The following TBC1D24 variants were observed in gnomAD, a reference collection of about 807,000 sequenced individuals.
The protein encoded by TBC1D24 is TBC1 domain family member 24.
A neutral mutation model predicts 50.7 loss-of-function variants in TBC1D24; 47 were observed. The observed-to-expected ratio is 0.93, with a 90% CI of 0.73 to 1.18. The LOEUF (loss-of-function observed/expected upper bound fraction) is 1.18. Ranked by LOEUF, TBC1D24 falls within the 50% of genes most tolerant of loss-of-function variation. The pLI is 0.00. For missense variants in TBC1D24, 688 were observed against 766.5 expected (o/e 0.90, Z 1.21); for synonymous variants, 324 against 335.2 (o/e 0.97, Z 0.36).
In TBC1D24 at chr16:2,488,878, G is replaced by A. The variant is rs1186409573; in HGVS notation, c.-115-7156G>A. On this transcript the variant is annotated intron_variant, in intron 1 of 7. Transcript: ENST00000646147. ...GATCGAGACCATCCTGGCTAACACG[G>A]TGAAACCCCGTCTCTACTAAAAATA... 2.7e-5 allele frequency among the ~76,000 whole-genome samples: 4 copies of A among 145,474 alleles called. No individual in the cohort carries two copies. In the East Asian group the frequency reaches 8.0e-4, roughly 29 times the overall value.
At position 2,486,760 on chromosome 16, in the gene TBC1D24, T is replaced by C. The variant is rs1198369798; in HGVS notation, c.-115-9274T>C. Reference sequence around the variant, plus strand: ...AAGAAGCATCTGTATCGAAACTGGCTTTGAAAACTTCACAGTGGAGCTTCC... The same window carrying C: ...AAGAAGCATCTGTATCGAAACTGGCCTTGAAAACTTCACAGTGGAGCTTCC... On this transcript the variant is annotated intron_variant, in intron 1 of 7. Transcript: ENST00000646147. The surrounding 1 kb of genome is among the most constrained non-coding windows in gnomAD (Gnocchi z 5.8). Among the ~76,000 whole-genome samples the C allele has an allele frequency of 1.3e-5, 2 of 152,224 alleles. No homozygotes were observed. The highest frequency in any genetic ancestry group is 2.9e-5 in the Non-Finnish European group (2 of 68,020).
rs757753370 is a variant in TBC1D24 at position 2,496,514 on chromosome 16, C to T, written c.366C>T (p.Ala122=). 4.4e-6 allele frequency: 7 copies of T among 1,609,120 alleles called. No individual in the cohort carries two copies. Among genetic ancestry groups the T allele is most frequent in the Non-Finnish European group, 5.9e-6 (7 of 1,179,954 alleles). The change falls in exon 2 of 8, where the codon GCC becomes GCT. Residue 122 remains alanine (A), a synonymous_variant. Coordinates refer to ENST00000646147, the MANE Select transcript of TBC1D24 (RefSeq NM_001199107.2). The stretch of plus-strand genomic sequence containing the variant: ...TGCGCAAGATCCTCCTGTGCCTGGC[C>T]AACCAGTTCCCCGACATCTCCTTCT... The part of the protein sequence containing the change: ...GAVRKILLCL[A]NQFPDISFCP...
chr16:2,476,261 G>GTGT (rs1442848672), intron 1 of TBC1D24, among the ~76,000 whole-genome samples: 4 of 152,228 alleles, frequency 2.6e-5, no homozygotes, highest in African/African-American at 9.6e-5. Flanking sequence ...GCACACAGTA[G>GTGT]GCACCTGTAG....
In TBC1D24 at chr16:2,499,328, G is replaced by A. The variant is rs1173714623; in HGVS notation, c.1143-29G>A. 1 of 1,605,300 alleles carries A rather than the reference G, an allele frequency of 6.2e-7. No homozygotes were observed. Among genetic ancestry groups the A allele is most frequent in the Non-Finnish European group, 8.5e-7 (1 of 1,175,392 alleles). ...AGGCGGCTGGGAGGGTGTGCAGGGT[G>A]ACAGCTGGCATGCGTGTCTCTACGC... On this transcript the variant is annotated intron_variant, in intron 4 of 7. Transcript: ENST00000646147. The surrounding 1 kb of genome is among the most constrained non-coding windows in gnomAD (Gnocchi z 4.0).
In TBC1D24 at chr16:2,499,262, G is replaced by A; in HGVS notation, c.1143-95G>A. On this transcript the variant is annotated intron_variant, in intron 4 of 7. Transcript: ENST00000646147. This position sits in a 1 kb window ranked among gnomAD's most constrained non-coding sequence, Gnocchi z 4.0. ...AGAGAGAAGGAAGCACAGTTCCCAG[G>A]TCTTCGCCCCAAGACAGCTGGGGCC... The A allele has an allele frequency of 8.7e-7, 1 of 1,144,518 alleles. No individual in the cohort carries two copies. The highest frequency in any genetic ancestry group is 2.5e-5 in the East Asian group (1 of 39,984). 70.9% of individuals were successfully genotyped at this position (1,144,518 alleles called of 1,614,324 possible). A position where few individuals can be genotyped will look rare whatever the true frequency, so the allele number is the denominator to read the frequency against.
intron 1 of TBC1D24, among the ~76,000 whole-genome samples, chr16:2,494,347 A>G (rs998626673): frequency 2.0e-5 from 3 of 151,444 alleles, no homozygotes; most frequent in Non-Finnish European, 4.4e-5. Flanking sequence ...GGGAGGCGGA[A>G]GTTGCAGTGA....
rs956179168 is a variant in TBC1D24 at position 2,501,038 on chromosome 16, T to C, written c.*80T>C. The C allele has an allele frequency of 8.9e-6, 14 of 1,568,988 alleles. No individual in the cohort carries two copies. The highest frequency in any genetic ancestry group is 1.1e-5 in the Non-Finnish European group (13 of 1,158,084). On this transcript the variant is annotated 3_prime_UTR_variant, in exon 8 of 8. Transcript: ENST00000646147. ...GCCGCCTCGGGCAGCAGAGAGCAGA[T>C]GAAACCCCCATGTGGTAGGCAGGGT...
At position 2,496,222 on chromosome 16, in the gene TBC1D24, A is replaced by G. The variant is rs758755150; in HGVS notation, c.74A>G (p.Lys25Arg). The G allele has an allele frequency of 1.2e-6, 2 of 1,613,926 alleles. No individual in the cohort carries two copies. The highest frequency in any genetic ancestry group is 1.7e-5 in the Admixed American group (1 of 60,034). ...MDAAIQDLGP[K>R]ELSCTELQEL... ...GCTGCCATCCAGGACCTGGGGCCCAAGGAGCTGAGCTGCACTGAACTGCAG... is the reference window on the plus strand; with the variant it reads ...GCTGCCATCCAGGACCTGGGGCCCAGGGAGCTGAGCTGCACTGAACTGCAG... The change falls in exon 2 of 8, where the codon AAG becomes AGG. Residue 25 changes from lysine to arginine, a missense_variant. By Grantham distance (26) the Lys-to-Arg change is conservative. Transcript: ENST00000646147.
intron 1 of TBC1D24, among the ~76,000 whole-genome samples, chr16:2,488,998 A>T (rs910826276): frequency 4.1e-5 from 6 of 145,348 alleles, no homozygotes; most frequent in Non-Finnish European, 9.0e-5. Flanking sequence ...TGAACCCGGG[A>T]GGCAGAGGTT....
At position 2,500,469 on chromosome 16, in the gene TBC1D24, G is replaced by C; in HGVS notation, c.1504G>C (p.Gly502Arg). The C allele has an allele frequency of 1.9e-6, 3 of 1,578,208 alleles. No homozygotes were observed. Among genetic ancestry groups the C allele is most frequent in the Non-Finnish European group, 2.6e-6 (3 of 1,162,482 alleles). The change falls in exon 7 of 8, where the codon GGC becomes CGC. Residue 502 changes from glycine to arginine, a missense_variant. Gly to Arg is a moderately radical substitution (Grantham distance 125, BLOSUM62 -2). Coordinates refer to ENST00000646147, the MANE Select transcript of TBC1D24 (RefSeq NM_001199107.2). The surrounding 1 kb of genome is among the most constrained non-coding windows in gnomAD (Gnocchi z 8.0). Reference protein sequence around the residue: ...SKTESMFMAGGSDCLIVGGGG... With the variant: ...SKTESMFMAGRSDCLIVGGGG... The stretch of plus-strand genomic sequence containing the variant: ...GACCGAGTCCATGTTCATGGCGGGG[G>C]GCAGCGACTGCCTCATCGTCGGTGA...
Position 2,484,742 on chromosome 16 carries a change from T to A in TBC1D24, c.-116+9572T>A, listed in dbSNP as rs1272592831. On this transcript the variant is annotated intron_variant, in intron 1 of 7. Coordinates refer to ENST00000646147, the MANE Select transcript of TBC1D24 (RefSeq NM_001199107.2). Reference sequence around the variant, plus strand: ...GCTGAGGCCTAGGGCGGTGGGGCTATATGGCAGGAGGAGTGTCTGCACTTT... The same window carrying A: ...GCTGAGGCCTAGGGCGGTGGGGCTAAATGGCAGGAGGAGTGTCTGCACTTT... 7 of 152,324 alleles carry A rather than the reference T, an allele frequency of 4.6e-5. No individual in the cohort carries two copies. In the East Asian group the frequency reaches 1.3e-3, roughly 29 times the overall value. The allele number at this position is 152,324 out of a possible 1,614,324, so 9.4% of individuals were successfully genotyped here.
Position 2,497,708 on chromosome 16 carries a change from A to C in TBC1D24, c.966-2A>C. 2 of 1,535,884 alleles carry C rather than the reference A, an allele frequency of 1.3e-6. No homozygotes were observed. Among genetic ancestry groups the C allele is most frequent in the Non-Finnish European group, 1.7e-6 (2 of 1,146,834 alleles). On this transcript the variant is annotated splice_acceptor_variant, in intron 2 of 7. Transcript: ENST00000646147. LOFTEE classifies it high-confidence loss of function. ...TGTCCGTTGCTTTCTCCTGTTTTTC[A>C]GTGTGTCACTTTCTAAAAGGTAGGT...
In TBC1D24 at chr16:2,496,317, C is replaced by T. The variant is rs202162520; in HGVS notation, c.169C>T (p.Arg57Cys). 2.1e-3 allele frequency: 3,344 copies of T among 1,613,610 alleles called. 5 individuals carry two copies. Among genetic ancestry groups the T allele is most frequent in the Non-Finnish European group, 2.3e-3 (2,719 of 1,180,030 alleles). The change falls in exon 2 of 8, where the codon CGC becomes TGC. Residue 57 changes from arginine (R) to cysteine (C), a missense_variant. Physicochemically the swap from Arg to Cys is radical, Grantham distance 180. Transcript: ENST00000646147. ...SHALRGKVYQ[R>C]LIRDIPCRTV... ...CGCCCTGCGGGGAAAGGTGTACCAG[C>T]GCCTGATCCGGGACATTCCCTGCCG...
rs747608617 is a variant in TBC1D24 at position 2,499,958 on chromosome 16, C to T, written c.1302+28C>T. ...GAGTGGGGCCAAGTGTCCCCAAACC[C>T]CCACGCAGACCCTGTAGCTGCATCC... On this transcript the variant is annotated intron_variant, in intron 6 of 7. Transcript: ENST00000646147. This position sits in a 1 kb window ranked among gnomAD's most constrained non-coding sequence, Gnocchi z 4.0. 1 of 1,597,830 alleles carries T rather than the reference C, an allele frequency of 6.3e-7. No homozygotes were observed. Among genetic ancestry groups the T allele is most frequent in the South Asian group, 1.1e-5 (1 of 90,740 alleles).
At position 2,498,380 on chromosome 16, in the gene TBC1D24, G is replaced by C. The variant is rs796053408; in HGVS notation, c.1126G>C (p.Gly376Arg). ...TCTGCTGTTCTCCTCCCTGCAGCAC[G>C]GGTACAGCCTGGCCAGGTAACACCC... ...PLLLFSSLQH[G>R]YSLARFYFQC... Residue 376 changes from glycine (G) to arginine (R), a missense_variant, in exon 4 of 8, where the codon GGG becomes CGG. Transcript: ENST00000646147. 1 of 1,606,838 alleles carries C rather than the reference G, an allele frequency of 6.2e-7. No individual in the cohort carries two copies. Among genetic ancestry groups the C allele is most frequent in the Non-Finnish European group, 8.5e-7 (1 of 1,176,922 alleles).
In TBC1D24 at chr16:2,487,465, G is replaced by A. The variant is rs1476322250; in HGVS notation, c.-115-8569G>A. On this transcript the variant is annotated intron_variant, in intron 1 of 7. Coordinates refer to ENST00000646147, the MANE Select transcript of TBC1D24 (RefSeq NM_001199107.2). The surrounding 1 kb of genome is among the most constrained non-coding windows in gnomAD (Gnocchi z 4.1). ...GGCCGTGTTAAAATGTCATCAATGA[G>A]GCTAAATGTGTGTTCTGTCTTTGTA... is the stretch of plus-strand genomic sequence containing the variant. Among the ~76,000 whole-genome samples the A allele has an allele frequency of 6.6e-6, 1 of 152,250 alleles. No individual in the cohort carries two copies. Among genetic ancestry groups the A allele is most frequent in the Non-Finnish European group, 1.5e-5 (1 of 68,054 alleles).
chr16:2,495,900 C>G (rs934681437), intron 1 of TBC1D24, 134 bp from the exon 2 acceptor site: 1 of 490,686 alleles, frequency 2.0e-6, no homozygotes, highest in Admixed American at 3.4e-5. Flanking sequence ...GCCACTGCAC[C>G]GCACTCCAAC....
intron 1 of TBC1D24, among the ~76,000 whole-genome samples, chr16:2,491,666 T>G (rs530234585): frequency 3.3e-5 from 5 of 152,102 alleles, no homozygotes; most frequent in Admixed American, 3.3e-4. Flanking sequence ...GCGATTCTCC[T>G]GCCTCAGCCT....
chr16:2,496,625 G>A lies in TBC1D24; in HGVS notation c.477G>A (p.Leu159=), dbSNP rs756939943. The change falls in exon 2 of 8, where the codon CTG becomes CTA. Residue 159 remains leucine (L), a synonymous_variant. Transcript: ENST00000646147. ...GCTTCGAGAAGGCCTGCCGCATCCTGGCCTGCAATGACCCCGGCAGGAGGC... is the reference window on the plus strand; with the variant it reads ...GCTTCGAGAAGGCCTGCCGCATCCTAGCCTGCAATGACCCCGGCAGGAGGC... ...AECFEKACRI[L]ACNDPGRRLI... The A allele has an allele frequency of 6.2e-7, 1 of 1,611,868 alleles. No homozygotes were observed. Among genetic ancestry groups the A allele is most frequent in the South Asian group, 1.1e-5 (1 of 91,084 alleles).
Sources: allele counts gnomAD v4.1 joint callset (sites outside exome capture counted in the v4.1 genomes callset), GRCh38; gene constraint gnomAD v4.1.1; non-coding constraint Gnocchi (gnomAD v3.1); transcripts MANE v1.5; gene names NCBI Gene and HGNC (gene_info 2026-07-23, HGNC 2026-07-21).